The following SULF2 variants were observed in gnomAD, a reference collection of about 807,000 sequenced individuals.
The protein encoded by SULF2 is extracellular sulfatase Sulf-2.
A neutral mutation model predicts 107.7 loss-of-function variants in SULF2; 52 were observed. The ratio of observed to expected loss-of-function variants is 0.48; its 90% CI spans 0.39 to 0.61. The LOEUF (loss-of-function observed/expected upper bound fraction) is 0.61. Among genes scored for constraint, SULF2 ranks in the 20% least tolerant of loss-of-function variants. The pLI is 0.00. For missense variants in SULF2, 993 were observed against 1,177.3 expected (o/e 0.84, Z 2.29); for synonymous variants, 460 against 464.3 (o/e 0.99, Z 0.12).
rs745965581 is a variant in SULF2 at position 47,661,852 on chromosome 20, C to T, written c.2415G>A (p.Gln805=). 3 of 1,594,832 alleles carry T rather than the reference C, an allele frequency of 1.9e-6. No individual in the cohort carries two copies. The highest frequency in any genetic ancestry group is 4.5e-5 in the East Asian group (2 of 44,340). ...VNTLDRDVLN[Q]LHVQLMELRS... is the part of the protein sequence containing the mutation. ...TCAGCTCCATGAGCTGTACGTGTAG[C>T]TGGTTGAGGACATCCCTGTCCAGTG... The change falls in exon 18 of 21, where the codon CAG becomes CAA. Residue 805 remains glutamine, a synonymous_variant. Transcript: ENST00000688720.
At chr20:47,700,875 A>G (rs2088543448) in intron 4 of SULF2, among the ~76,000 whole-genome samples, 2 of 151,982 alleles carry the variant, frequency 1.3e-5, no homozygotes, top group African/African-American at 2.4e-5. Flanking sequence ...CGAACTCCTG[A>G]CCTAAAGTGA....
At chr20:47,690,784 G>A (rs560434620) in intron 4 of SULF2, among the ~76,000 whole-genome samples, 173 of 150,666 alleles carry the variant, frequency 1.1e-3, no homozygotes, top group South Asian at 4.6e-3. Context: ...CAGGAGAATC[G>A]CTTGAACACA....
chr20:47,731,120 C>T (rs972233195), intron 3 of SULF2, among the ~76,000 whole-genome samples: 4 of 150,024 alleles, frequency 2.7e-5, no homozygotes, highest in African/African-American at 9.9e-5. Context: ...CCTCCAGCCT[C>T]GTGATATGAT....
At chr20:47,758,777 C>T (rs116503288) in intron 1 of SULF2, among the ~76,000 whole-genome samples, 1,739 of 152,228 alleles carry the variant, frequency 0.011, 32 homozygotes, top group African/African-American at 0.039. Context: ...AGAGCATGAG[C>T]GAGAGAGCCA....
chr20:47,693,838 G>C (rs1159602336), intron 4 of SULF2, among the ~76,000 whole-genome samples: 2 of 152,218 alleles, frequency 1.3e-5, no homozygotes, highest in South Asian at 2.1e-4. Flanking sequence ...AAGTGTGTGG[G>C]GGGTGATTAC....
At chr20:47,671,860 G>A (rs529665291) in intron 11 of SULF2, among the ~76,000 whole-genome samples, 37 of 152,018 alleles carry the variant, frequency 2.4e-4, no homozygotes, top group African/African-American at 8.4e-4. Context: ...GATTACAAGC[G>A]TGAGCCACCA....
intron 1 of SULF2, among the ~76,000 whole-genome samples, chr20:47,758,041 G>A (rs2090334550): frequency 6.6e-6 from 1 of 152,122 alleles, no homozygotes; most frequent in Non-Finnish European, 1.5e-5. Context: ...AAGCCCGTTT[G>A]GAACCTCGGT....
intron 1 of SULF2, among the ~76,000 whole-genome samples, chr20:47,766,672 G>A (rs961986192): frequency 1.4e-4 from 22 of 152,156 alleles, no homozygotes; most frequent in Admixed American, 1.4e-3. Flanking sequence ...AGTCAACATA[G>A]GAAAAGCTGG....
chr20:47,753,098 C>CAAAAAAA (rs10578438), intron 2 of SULF2, among the ~76,000 whole-genome samples: 6 of 90,628 alleles, frequency 6.6e-5, no homozygotes, highest in Admixed American at 1.2e-4. Context: ...GAGACTCTCT[C>CAAAAAAA]AAAAAAAAAA....
Position 47,742,927 on chromosome 20 carries a change from A to ATTTTT in SULF2, c.176-5990_176-5986dup, listed in dbSNP as rs397837137. 4.1e-4 allele frequency among the ~76,000 whole-genome samples: 41 copies of ATTTTT among 99,458 alleles called. 4 individuals carry two copies. The highest frequency in any genetic ancestry group is 5.1e-4 in the Non-Finnish European group (26 of 50,782). 65.2% of individuals were successfully genotyped at this position (99,458 alleles called of 152,430 possible). On this transcript the variant is annotated intron_variant, in intron 2 of 20. Coordinates refer to ENST00000688720, the MANE Select transcript of SULF2 (RefSeq NM_001387048.1). Reference sequence around the variant, plus strand: ...AGGGAGTTTCAGGATTCAAAACATGATTTTTTTTTTTTTTTTTTTTTTTTT... The same window carrying ATTTTT: ...AGGGAGTTTCAGGATTCAAAACATGATTTTTTTTTTTTTTTTTTTTTTTTTTTTTT...
chr20:47,674,090 T>C (rs2087562599), intron 10 of SULF2, among the ~76,000 whole-genome samples: 1 of 152,254 alleles, frequency 6.6e-6, no homozygotes, highest in African/African-American at 2.4e-5. Flanking sequence ...GGACGGTTTT[T>C]ACATTGTACG....
chr20:47,741,657 C>A (rs1158849546), intron 2 of SULF2, among the ~76,000 whole-genome samples: 1 of 152,122 alleles, frequency 6.6e-6, no homozygotes, highest in African/African-American at 2.4e-5. Context: ...TCCAGGGCAC[C>A]CCAAGTGGAA....
chr20:47,668,012 C>T (rs779916736), intron 11 of SULF2, among the ~76,000 whole-genome samples: 6 of 152,256 alleles, frequency 3.9e-5, no homozygotes, highest in Non-Finnish European at 7.3e-5. Context: ...TTTTCTGACA[C>T]AGGGCAGCCT....
At chr20:47,724,680 T>C (rs1037506857) in intron 3 of SULF2, among the ~76,000 whole-genome samples, 1 of 152,216 alleles carries the variant, frequency 6.6e-6, no homozygotes, top group African/African-American at 2.4e-5. Flanking sequence ...ATCTGTCTTG[T>C]GCCTTTTAAA....
chr20:47,723,002 G>T (rs1338517886), intron 3 of SULF2, among the ~76,000 whole-genome samples: 2 of 152,180 alleles, frequency 1.3e-5, no homozygotes, highest in Admixed American at 1.3e-4. Flanking sequence ...GGGAGGTGGA[G>T]GCTGCAGTGA....
chr20:47,753,098 C>CAAAAAAAAAAAAAAAAAAAA (rs10578438), intron 2 of SULF2, among the ~76,000 whole-genome samples: 1 of 90,686 alleles, frequency 1.1e-5, no homozygotes, highest in African/African-American at 4.6e-5. Context: ...GAGACTCTCT[C>CAAAAAAAAAAAAAAAAAAAA]AAAAAAAAAA....
rs71183273 is a variant in SULF2 at position 47,731,187 on chromosome 20, C to CTTTTTTTTTT, written c.415+5506_415+5515dup. On this transcript the variant is annotated intron_variant, in intron 3 of 20. Coordinates refer to ENST00000688720, the MANE Select transcript of SULF2 (RefSeq NM_001387048.1). Reference sequence around the variant, plus strand: ...TGCCTGCTACTCACCTGTATCTTCTCTTTTTTTTTTTTTTTTTTTTTTTGA... The same window carrying CTTTTTTTTTT: ...TGCCTGCTACTCACCTGTATCTTCTCTTTTTTTTTTTTTTTTTTTTTTTTTTTTTTTTTGA... Among the ~76,000 whole-genome samples the CTTTTTTTTTT allele has an allele frequency of 1.5e-4, 12 of 81,164 alleles. 1 individual carries two copies. Among genetic ancestry groups the CTTTTTTTTTT allele is most frequent in the African/African-American group, 5.6e-4 (9 of 16,072 alleles). The allele number at this position is 81,164 out of a possible 152,430, so 53.2% of individuals were successfully genotyped here.
chr20:47,771,244 T>G (rs1249433474), intron 1 of SULF2, among the ~76,000 whole-genome samples: 1 of 152,108 alleles, frequency 6.6e-6, no homozygotes, highest in Non-Finnish European at 1.5e-5. Context: ...GCACTCTTCC[T>G]TCTCACATGA....
chr20:47,676,539 C>G lies in SULF2; in HGVS notation c.1335G>C (p.Leu445=). 2 of 1,598,122 alleles carry G rather than the reference C, an allele frequency of 1.3e-6. No individual in the cohort carries two copies. Among genetic ancestry groups the G allele is most frequent in the Admixed American group, 1.7e-5 (1 of 58,338 alleles). ...FLPKYQRVKD[L]CQRAEYQTAC... ...CCGTCTGGTACTCAGCACGCTGACA[C>G]AGGTCCTTCACACGCTGGTACTTGG... is the stretch of plus-strand genomic sequence containing the variant. The change falls in exon 10 of 21, where the codon CTG becomes CTC. Residue 445 remains leucine, a synonymous_variant. Coordinates refer to ENST00000688720, the MANE Select transcript of SULF2 (RefSeq NM_001387048.1).
Sources: allele counts gnomAD v4.1 joint callset (sites outside exome capture counted in the v4.1 genomes callset), GRCh38; gene constraint gnomAD v4.1.1; transcripts MANE v1.5; gene names NCBI Gene and HGNC (gene_info 2026-07-23, HGNC 2026-07-21).